The following RASGRF1 variants were observed in gnomAD, a reference collection of about 807,000 sequenced individuals.
RASGRF1 encodes the protein ras-specific guanine nucleotide-releasing factor 1.
A neutral mutation model predicts 138.7 loss-of-function variants in RASGRF1; 40 were observed. The observed-to-expected ratio is 0.29, with a 90% CI of 0.22 to 0.38. RASGRF1 has a LOEUF of 0.38. Among genes scored for constraint, RASGRF1 ranks in the 10% least tolerant of loss-of-function variants. The probability of loss-of-function intolerance (pLI) is 1.00; values close to 1 mark genes in which losing one functional copy is unlikely to be tolerated. For missense variants in RASGRF1, 1,108 were observed against 1,650.4 expected (o/e 0.67, Z 5.69); for synonymous variants, 614 against 663.2 (o/e 0.93, Z 1.14).
intron 6 of RASGRF1, among the ~76,000 whole-genome samples, chr15:79,033,854 T>C (rs562200334): frequency 6.6e-6 from 1 of 152,316 alleles, no homozygotes; most frequent in South Asian, 2.1e-4. Flanking sequence ...CCTCCCACAG[T>C]GCTGGGATTA....
rs1220962328 is a variant in RASGRF1, at chr15:78,995,727, A to G, written c.3027+13T>C. 1.9e-6 allele frequency: 3 copies of G among 1,614,124 alleles called. No homozygotes were observed. Among genetic ancestry groups the G allele is most frequent in the South Asian group, 1.1e-5 (1 of 91,082 alleles). ...GGAAAGCCTTGGAAAGCAAGAGGGC[A>G]GGCCCAGCTCACCATCTGCGTGATC... On this transcript the variant is annotated intron_variant, in intron 20 of 26. Transcript: ENST00000558480.
intron 12 of RASGRF1, among the ~76,000 whole-genome samples, chr15:79,016,679 G>C (rs1395646881): frequency 6.6e-6 from 1 of 152,194 alleles, no homozygotes. Context: ...CATGTGGGAA[G>C]ACTCAGAACA....
chr15:79,062,301 G>A (rs928059683), intron 2 of RASGRF1, among the ~76,000 whole-genome samples: 1 of 152,124 alleles, frequency 6.6e-6, no homozygotes, highest in African/African-American at 2.4e-5. Context: ...GGAGACTGAG[G>A]TCCAATCGCT....
At chr15:78,992,190 C>T (rs1291707512) in intron 20 of RASGRF1, among the ~76,000 whole-genome samples, 1 of 152,238 alleles carries the variant, frequency 6.6e-6, no homozygotes, top group African/African-American at 2.4e-5. Context: ...CTGGCCACTC[C>T]CTTCAGCGTC....
At chr15:79,049,655 G>T in intron 3 of RASGRF1, 67 bp from the exon 4 acceptor site, 1 of 1,404,332 alleles carries the variant, frequency 7.1e-7, no homozygotes, top group Non-Finnish European at 9.8e-7. Flanking sequence ...TCTTTGGCCG[G>T]TGGGTGGCAG....
At position 79,001,744 on chromosome 15, in the gene RASGRF1, G is replaced by A. The variant is rs2056532215; in HGVS notation, c.2493C>T (p.Asn831=). The change falls in exon 16 of 27, where the codon AAC becomes AAT. Residue 831 remains asparagine, a synonymous_variant. Coordinates refer to ENST00000558480, the MANE Select transcript of RASGRF1 (RefSeq NM_001145648.3). ...TTTCAGTATCACCATCATCACTCTG[G>A]TTTTGATCAATATCTGACTCCTCTC... ...SMREESDIDQ[N]QSDDGDTETS... 2.5e-6 allele frequency: 4 copies of A among 1,609,340 alleles called. No homozygotes were observed. Among genetic ancestry groups the A allele is most frequent in the Non-Finnish European group, 3.4e-6 (4 of 1,176,176 alleles).
intron 3 of RASGRF1, among the ~76,000 whole-genome samples, chr15:79,052,678 G>C (rs2057448950): frequency 6.6e-6 from 1 of 152,234 alleles, no homozygotes; most frequent in South Asian, 2.1e-4. Context: ...GGCTCCCCAG[G>C]AAAGGTTTTG....
intron 1 of RASGRF1, among the ~76,000 whole-genome samples, chr15:79,089,671 A>G (rs1425419655): frequency 2.6e-5 from 4 of 152,230 alleles, no homozygotes; most frequent in Non-Finnish European, 4.4e-5. Context: ...CGACCCGTGT[A>G]GCCCCATAAC....
chr15:79,058,784 T>C (rs1404899054), intron 2 of RASGRF1, among the ~76,000 whole-genome samples: 1 of 152,254 alleles, frequency 6.6e-6, no homozygotes, highest in Admixed American at 6.5e-5. Context: ...GAGAATCCTT[T>C]AGTTTATAAT....
chr15:78,978,986 T>G (rs757405876), intron 24 of RASGRF1: 34 of 1,290,782 alleles, frequency 2.6e-5, no homozygotes, highest in African/African-American at 1.5e-5. Flanking sequence ...TCAGACAGAA[T>G]GGGGGGCCCC....
In RASGRF1 at chr15:79,019,321, G is replaced by C. The variant is rs74395766; in HGVS notation, c.1606+720C>G. On this transcript the variant is annotated intron_variant, in intron 11 of 26. Coordinates refer to ENST00000558480, the MANE Select transcript of RASGRF1 (RefSeq NM_001145648.3). The stretch of plus-strand genomic sequence containing the variant: ...AGTGCCAACTTTGGCCCAATCAAGA[G>C]AGAGTAGTGATCCCACCCCCTAATC... Among the ~76,000 whole-genome samples, 286 of 152,310 alleles carry C rather than the reference G, an allele frequency of 1.9e-3. 2 individuals carry two copies. Among genetic ancestry groups the C allele is most frequent in the Middle Eastern group, 0.01 (3 of 294 alleles).
At chr15:79,071,508 C>T (rs954793444) in intron 1 of RASGRF1, among the ~76,000 whole-genome samples, 26 of 151,432 alleles carry the variant, frequency 1.7e-4, no homozygotes, top group Non-Finnish European at 2.9e-4. Flanking sequence ...TACAGGTGTG[C>T]GCCGCCATGC....
intron 1 of RASGRF1, 28 bp from the exon 2 acceptor site, chr15:79,064,554 T>C: frequency 6.3e-7 from 1 of 1,599,968 alleles, no homozygotes; most frequent in Non-Finnish European, 8.6e-7. Flanking sequence ...CATCTCCAAT[T>C]ACCAGAGTGT....
intron 2 of RASGRF1, among the ~76,000 whole-genome samples, chr15:79,059,576 C>G: frequency 6.6e-6 from 1 of 152,196 alleles, no homozygotes; most frequent in African/African-American, 2.4e-5. Flanking sequence ...GTCCAAATCA[C>G]AGTCCATGAG....
At chr15:79,047,320 C>A (rs1461210182) in intron 4 of RASGRF1, among the ~76,000 whole-genome samples, 1 of 152,160 alleles carries the variant, frequency 6.6e-6, no homozygotes, top group African/African-American at 2.4e-5. Context: ...CAAGCCCCAC[C>A]CCAGACCTCT....
At chr15:79,067,595 GTAAAC>G (rs2057696958) in intron 1 of RASGRF1, among the ~76,000 whole-genome samples, 1 of 152,184 alleles carries the variant, frequency 6.6e-6, no homozygotes, top group Non-Finnish European at 1.5e-5. Context: ...CTTTGTGCTC[GTAAAC>G]CTGCCCCCTG....
rs780524289 is a variant in RASGRF1, at chr15:79,003,790, A to C, written c.2449+12T>G. On this transcript the variant is annotated intron_variant, in intron 15 of 26. Transcript: ENST00000558480. ...GAGGCTGGGGGGCAGCTCCGACGGC[A>C]TGGCCACTCACTCTGCTTGCTGAGC... 2.9e-5 allele frequency: 46 copies of C among 1,574,790 alleles called. No homozygotes were observed. The highest frequency in any genetic ancestry group is 1.4e-4 in the South Asian group (12 of 85,570).
intron 13 of RASGRF1, among the ~76,000 whole-genome samples, chr15:79,009,683 C>G (rs1231434063): frequency 6.6e-6 from 1 of 152,006 alleles, no homozygotes; most frequent in Non-Finnish European, 1.5e-5. Flanking sequence ...ACCTCACAAT[C>G]ACTGTTGGTT....
chr15:79,080,079 A>G (rs1297578837), intron 1 of RASGRF1, among the ~76,000 whole-genome samples: 1 of 152,218 alleles, frequency 6.6e-6, no homozygotes, highest in Non-Finnish European at 1.5e-5. Context: ...CTTCTGGGAC[A>G]CAGGTACTCT....
Sources: gnomAD v4.1 joint callset for allele counts (sites outside exome capture counted in the v4.1 genomes callset) on GRCh38, gnomAD v4.1.1 for gene constraint, MANE v1.5 for transcripts, NCBI Gene and HGNC (gene_info 2026-07-23, HGNC 2026-07-21) for gene names.